The following GNE variants were observed in gnomAD, a reference collection of about 807,000 sequenced individuals.
GNE encodes glucosamine (UDP-N-acetyl)-2-epimerase/N-acetylmannosamine kinase, also known as bifunctional UDP-N-acetylglucosamine 2-epimerase/N-acetylmannosamine kinase.
A neutral mutation model predicts 61.8 loss-of-function variants in GNE; 41 were observed. The ratio of observed to expected loss-of-function variants is 0.66; its 90% CI spans 0.52 to 0.86. The LOEUF (loss-of-function observed/expected upper bound fraction) is 0.86, where lower values mean the gene tolerates loss of function less well. GNE is among the 40% of genes least tolerant of loss of function. GNE has a pLI of 0.00. For missense variants in GNE, 608 were observed against 909.1 expected, an observed-to-expected ratio of 0.67 and a Z score of 4.26; for synonymous variants, 264 against 326.4, an observed-to-expected ratio of 0.81 and a Z score of 2.06.
At chr9:36,229,711 A>G (rs747519490) in intron 5 of GNE, among the ~76,000 whole-genome samples, 10 of 152,104 alleles carry the variant, frequency 6.6e-5, no homozygotes, top group African/African-American at 2.2e-4. Flanking sequence ...GAAGGATGAG[A>G]AAAGATCACT....
intron 1 of GNE, among the ~76,000 whole-genome samples, chr9:36,254,906 C>G (rs754458383): frequency 6.6e-6 from 1 of 151,718 alleles, no homozygotes; most frequent in East Asian, 2.0e-4. Context: ...GAGCCGAGAT[C>G]CTGCCACTGC....
intron 1 of GNE, among the ~76,000 whole-genome samples, chr9:36,270,991 T>C (rs1831008612): frequency 6.6e-6 from 1 of 152,220 alleles, no homozygotes; most frequent in Non-Finnish European, 1.5e-5. Flanking sequence ...TTGCACATTA[T>C]TGCCTGATTA....
At chr9:36,270,973 C>T (rs1421237772) in intron 1 of GNE, among the ~76,000 whole-genome samples, 1 of 152,220 alleles carries the variant, frequency 6.6e-6, no homozygotes, top group Non-Finnish European at 1.5e-5. Flanking sequence ...TCGCTCCTTT[C>T]ATCTATCTTG....
intron 7 of GNE, 39 bp from the exon 8 acceptor site, chr9:36,223,541 A>G: frequency 6.3e-7 from 1 of 1,579,914 alleles, no homozygotes; most frequent in Admixed American, 1.7e-5. Context: ...TACTGGTCTT[A>G]GCTAAGCAGC....
chr9:36,223,381 A>G lies in GNE; in HGVS notation c.1403T>C (p.Leu468Ser). The part of the protein sequence containing the change: ...AEAVKLNCRI[L>S]GVGISTGGRV... ...ATAATTTACAATCTTACCTACTCCCAAAATTCTGCAGTTCAGTTTTACAGC... is the reference window on the plus strand; with the variant it reads ...ATAATTTACAATCTTACCTACTCCCGAAATTCTGCAGTTCAGTTTTACAGC... Residue 468 changes from leucine (L) to serine (S), a missense_variant, in exon 8 of 12, where the codon TTG becomes TCG. Leu to Ser is a moderately radical substitution (Grantham distance 145, BLOSUM62 -2). Coordinates refer to ENST00000642385, the MANE Select transcript of GNE (RefSeq NM_005476.7). 1 of 1,613,438 alleles carries G rather than the reference A, an allele frequency of 6.2e-7. No homozygotes were observed. The highest frequency in any genetic ancestry group is 8.5e-7 in the Non-Finnish European group (1 of 1,179,366).
chr9:36,231,065 C>CAAAAAA (rs1829122345), intron 5 of GNE, among the ~76,000 whole-genome samples: 2 of 61,202 alleles, frequency 3.3e-5, no homozygotes, highest in African/African-American at 2.3e-4. Flanking sequence ...CACTGCTTCA[C>CAAAAAA]TAAAAAAAAA....
At chr9:36,230,238 T>C (rs561449553) in intron 5 of GNE, among the ~76,000 whole-genome samples, 9 of 152,120 alleles carry the variant, frequency 5.9e-5, no homozygotes, top group African/African-American at 2.2e-4. Flanking sequence ...CCACTGTGCA[T>C]GGCTGTCCTT....
rs1312335886 is a variant in GNE, at chr9:36,217,417, AGG to A, written c.2115_2116del (p.Leu706AlafsTer41). 2 of 1,614,104 alleles carry A rather than the reference AGG, an allele frequency of 1.2e-6. No homozygotes were observed. The highest frequency in any genetic ancestry group is 1.7e-6 in the Non-Finnish European group (2 of 1,179,962). On this transcript the variant is annotated frameshift_variant, in exon 12 of 12. Coordinates refer to ENST00000642385, the MANE Select transcript of GNE (RefSeq NM_005476.7). LOFTEE classifies it high-confidence loss of function. ...CAGAACCATGCTGGCAGCACCCAGCAGGGCGGGGTCAACCAAATCCGAAACCA... is the reference window on the plus strand; with the variant it reads ...CAGAACCATGCTGGCAGCACCCAGCAGCGGGGTCAACCAAATCCGAAACCA...
rs377382722 is a variant in GNE at position 36,223,497 on chromosome 9, T to C, written c.1287A>G (p.Glu429=). 1 of 1,610,012 alleles carries C rather than the reference T, an allele frequency of 6.2e-7. No homozygotes were observed. Among genetic ancestry groups the C allele is most frequent in the African/African-American group, 1.3e-5 (1 of 74,812 alleles). The part of the protein sequence containing the change: ...LRVAIVSMKG[E]IVKKYTQFNP... ...TGAACTGAGTATACTTCTTAACTAT[T>C]TCACCCTAAAAGAGAAAACAACAAG... Residue 429 remains glutamate, a synonymous_variant, in exon 8 of 12, where the codon GAA becomes GAG. Coordinates refer to ENST00000642385, the MANE Select transcript of GNE (RefSeq NM_005476.7).
At chr9:36,265,630 C>A in intron 1 of GNE, 1 of 319,770 alleles carries the variant, frequency 3.1e-6, no homozygotes, top group Non-Finnish European at 6.6e-6. Context: ...TTACCAGAGT[C>A]TCTAGGGCAG....
intron 1 of GNE, among the ~76,000 whole-genome samples, chr9:36,275,988 C>T (rs1202955735): frequency 2.0e-5 from 3 of 152,060 alleles, no homozygotes; most frequent in African/African-American, 4.8e-5. Flanking sequence ...GCCTGGGCAG[C>T]GCAGCAAGAC....
At position 36,239,726 on chromosome 9, in the gene GNE, G is replaced by A. The variant is rs149116596; in HGVS notation, c.617-2742C>T. On this transcript the variant is annotated intron_variant, in intron 3 of 11. Coordinates refer to ENST00000642385, the MANE Select transcript of GNE (RefSeq NM_005476.7). ...GAACTCAAATGATCTGCCCGCCTTG[G>A]CCTCCCAAATTGCTGGGATTACAGG... 8.9e-3 allele frequency among the ~76,000 whole-genome samples: 1,349 copies of A among 152,058 alleles called. 27 individuals are homozygous for A. Among genetic ancestry groups the A allele is most frequent in the African/African-American group, 0.031 (1,295 of 41,484 alleles).
chr9:36,219,907 T>A lies in GNE; in HGVS notation c.1747A>T (p.Ser583Cys). ...SLDGPDCSCG[S>C]HGCIEAYASG... ...GCGTATGCTTCAATGCACCCATGGC[T>A]TCCACAGGAACAATCAGGCCCATCC... The change falls in exon 10 of 12, where the codon AGC becomes TGC. Residue 583 changes from serine to cysteine, a missense_variant. Ser to Cys is a moderately radical substitution (Grantham distance 112, BLOSUM62 -1). Transcript: ENST00000642385. 1 of 1,614,166 alleles carries A rather than the reference T, an allele frequency of 6.2e-7. No homozygotes were observed. The highest frequency in any genetic ancestry group is 8.5e-7 in the Non-Finnish European group (1 of 1,180,012).
At chr9:36,270,759 C>T (rs1186053353) in intron 1 of GNE, among the ~76,000 whole-genome samples, 6 of 152,156 alleles carry the variant, frequency 3.9e-5, no homozygotes, top group East Asian at 3.9e-4. Flanking sequence ...CCTCGTGATC[C>T]GCCCACCTCA....
intron 1 of GNE, chr9:36,265,094 T>A (rs1220560335): frequency 3.2e-6 from 1 of 308,440 alleles, no homozygotes; most frequent in Non-Finnish European, 6.3e-6. Flanking sequence ...GCTGTGCTCC[T>A]GATCCAGCGA....
chr9:36,223,611 G>T, intron 7 of GNE, 109 bp from the exon 8 acceptor site: 2 of 1,166,908 alleles, frequency 1.7e-6, no homozygotes, highest in Non-Finnish European at 1.3e-6. Flanking sequence ...GGATGGCCCC[G>T]CAGTCTTAGA....
In GNE at chr9:36,218,067, C is replaced by T. The variant is rs755261677; in HGVS notation, c.1933+116G>A. The T allele has an allele frequency of 2.7e-5, 21 of 790,782 alleles. No homozygotes were observed. The highest frequency in any genetic ancestry group is 1.2e-4 in the Admixed American group (7 of 58,914). The allele number at this position is 790,782 out of a possible 1,614,324, so 49.0% of individuals were successfully genotyped here. A position where few individuals can be genotyped will look rare whatever the true frequency, so the allele number is the denominator to read the frequency against. On this transcript the variant is annotated intron_variant, in intron 11 of 11. Coordinates refer to ENST00000642385, the MANE Select transcript of GNE (RefSeq NM_005476.7). This position sits in a 1 kb window ranked among gnomAD's most constrained non-coding sequence, Gnocchi z 4.1. ...AGTAATTAGGAAAGAAACCTCTGAA[C>T]AGACACTGCAAAGCACCTGTCCCTA...
At chr9:36,265,199 G>A in intron 1 of GNE, 2 of 335,930 alleles carry the variant, frequency 6.0e-6, no homozygotes, top group South Asian at 4.7e-5. Context: ...AACACTAGTC[G>A]CTGGGTTCTA....
intron 1 of GNE, among the ~76,000 whole-genome samples, chr9:36,251,039 C>T (rs897326241): frequency 1.3e-5 from 2 of 152,066 alleles, no homozygotes; most frequent in Non-Finnish European, 2.9e-5. Flanking sequence ...CTAAAATTAC[C>T]CTTCTCTGTG....
Sources: allele counts gnomAD v4.1 joint callset (sites outside exome capture counted in the v4.1 genomes callset), GRCh38; gene constraint gnomAD v4.1.1; non-coding constraint Gnocchi (gnomAD v3.1); transcripts MANE v1.5; gene names NCBI Gene and HGNC (gene_info 2026-07-23, HGNC 2026-07-21).